NSMCE1: variants seen among roughly 807,000 people sequenced by gnomAD.
NSMCE1 encodes the protein non-structural maintenance of chromosomes element 1 homolog.
A neutral mutation model predicts 29.6 loss-of-function variants in NSMCE1; 18 were observed. The ratio of observed to expected loss-of-function variants is 0.61; its 90% CI spans 0.42 to 0.90. The LOEUF (loss-of-function observed/expected upper bound fraction) is 0.90, where lower values mean the gene tolerates loss of function less well. Ranked by LOEUF, NSMCE1 falls within the 40% of genes least tolerant of loss-of-function variation. The pLI, the probability that NSMCE1 is intolerant of heterozygous loss-of-function variation, is 0.00. For missense variants in NSMCE1, 314 were observed against 343.6 expected (o/e 0.91, Z 0.68); for synonymous variants, 124 against 133.4 (o/e 0.93, Z 0.49).
intron 2 of NSMCE1, 133 bp from the exon 3 acceptor site, chr16:27,235,432 C>CCACCCA: frequency 1.1e-6 from 1 of 922,288 alleles, no homozygotes; most frequent in Non-Finnish European, 1.6e-6. Context: ...GCTGCAGCCT[C>CCACCCA]TTGGGTGAAC....
At chr16:27,258,247 A>C (rs776401767) in intron 1 of NSMCE1, 4 of 152,252 alleles carry the variant, frequency 2.6e-5, no homozygotes, top group Non-Finnish European at 5.9e-5. Context: ...TCTTTCCGTA[A>C]ACCACAAAGA....
intron 4 of NSMCE1, chr16:27,233,856 G>A (rs1305559655): frequency 2.0e-5 from 6 of 306,386 alleles, no homozygotes; most frequent in African/African-American, 2.2e-5. Flanking sequence ...GCTCCCAGGC[G>A]ATGCTGCTGC....
chr16:27,229,439 C>A lies in NSMCE1; in HGVS notation c.484-2603G>T, dbSNP rs368910898. ...TGTGCTCACTCCTGTGTCCGCAGCA[C>A]CTGCTGTGGGGCCCAGCACTTGGCA... On this transcript the variant is annotated intron_variant, in intron 5 of 7. Coordinates refer to ENST00000361439, the MANE Select transcript of NSMCE1 (RefSeq NM_145080.4). Among the ~76,000 whole-genome samples the A allele has an allele frequency of 5.3e-5, 8 of 152,362 alleles. 1 individual carries two copies. The highest frequency in any genetic ancestry group is 1.3e-4 in the Admixed American group (2 of 15,312).
intron 2 of NSMCE1, among the ~76,000 whole-genome samples, chr16:27,236,003 A>G (rs188440112): frequency 6.6e-6 from 1 of 152,350 alleles, no homozygotes; most frequent in African/African-American, 2.4e-5. Context: ...TGACTCGCCC[A>G]GAGTTGCACC....
rs1439080405 is a variant in NSMCE1 at position 27,239,848 on chromosome 16, TG to T, written c.137-4550del. ...CAGTGCTATCTGTGTTCTCTCTACTTGGAAGAGGCAGGGTGTGTCTGGATTT... is the reference window on the plus strand; with the variant it reads ...CAGTGCTATCTGTGTTCTCTCTACTTGAAGAGGCAGGGTGTGTCTGGATTT... On this transcript the variant is annotated intron_variant, in intron 2 of 7. Transcript: ENST00000361439. Among the ~76,000 whole-genome samples, 7 of 152,190 alleles carry T rather than the reference TG, an allele frequency of 4.6e-5. No homozygotes were observed. In the East Asian group the frequency reaches 1.3e-3, roughly 29 times the overall value.
At chr16:27,263,818 G>A (rs1054618491) in intron 1 of NSMCE1, among the ~76,000 whole-genome samples, 7 of 152,070 alleles carry the variant, frequency 4.6e-5, no homozygotes, top group Non-Finnish European at 7.4e-5. Flanking sequence ...ACTAAGTGAC[G>A]TCTACAAAAA....
Position 27,232,328 on chromosome 16 carries a change from G to A in NSMCE1, c.483+673C>T, listed in dbSNP as rs1299301624. ...GAAAAAGAACTGAAACATTTGTTCT[G>A]CTCCATTCAGCAGGACTAGACGTGG... is the stretch of plus-strand genomic sequence containing the variant. On this transcript the variant is annotated intron_variant, in intron 5 of 7. Transcript: ENST00000361439. The surrounding 1 kb of genome is among the most constrained non-coding windows in gnomAD (Gnocchi z 4.5). Among the ~76,000 whole-genome samples, 2 of 152,208 alleles carry A rather than the reference G, an allele frequency of 1.3e-5. No individual in the cohort carries two copies. Among genetic ancestry groups the A allele is most frequent in the African/African-American group, 2.4e-5 (1 of 41,450 alleles).
At chr16:27,231,622 A>G (rs1213274034) in intron 5 of NSMCE1, among the ~76,000 whole-genome samples, 1 of 150,040 alleles carries the variant, frequency 6.7e-6, no homozygotes, top group African/African-American at 2.4e-5. Context: ...GGGCAACAAG[A>G]GCAAAACTCC....
chr16:27,226,973 A>G (rs2083704361), intron 5 of NSMCE1, 137 bp from the exon 6 acceptor site: 2 of 642,170 alleles, frequency 3.1e-6, no homozygotes, highest in Non-Finnish European at 5.6e-6. Context: ...ACCCCAGCCA[A>G]CGGGCATCAG....
At position 27,235,181 on chromosome 16, in the gene NSMCE1, C is replaced by A. The variant is rs540027035; in HGVS notation, c.255G>T (p.Ala85=). 5 of 1,613,666 alleles carry A rather than the reference C, an allele frequency of 3.1e-6. No individual in the cohort carries two copies. In the African/African-American group the frequency reaches 5.3e-5, roughly 17 times the overall value. The part of the protein sequence containing the change: ...VTEDDGRPIY[A]LVNLATTSIS... ...GAGGGCTCTGCCGGGCACTCACCAA[C>A]GCATAAATGGGTCTCCCATCATCTT... The change falls in exon 3 of 8, where the codon GCG becomes GCT. Residue 85 remains alanine, a synonymous_variant. Transcript: ENST00000361439.
chr16:27,226,783 G>C lies in NSMCE1; in HGVS notation c.537C>G (p.Tyr179Ter), dbSNP rs770326205. ...CCGCGTCGGGGTACGTCTCCCGGAT[G>C]TATTGCTCCATCTCCAGGATGGCCC... ...HGRAILEMEQ[Y>*]IRETYPDAVK... The change falls in exon 6 of 8, where the codon TAC becomes TAG. Residue 179 changes from tyrosine to a stop codon, truncating the protein, a stop_gained. Coordinates refer to ENST00000361439, the MANE Select transcript of NSMCE1 (RefSeq NM_145080.4). LOFTEE classifies it high-confidence loss of function. 6.2e-7 allele frequency: 1 copy of C among 1,614,046 alleles called. No individual in the cohort carries two copies. Among genetic ancestry groups the C allele is most frequent in the Non-Finnish European group, 8.5e-7 (1 of 1,179,904 alleles).
intron 5 of NSMCE1, among the ~76,000 whole-genome samples, chr16:27,227,238 C>T (rs971359100): frequency 6.6e-6 from 1 of 152,256 alleles, no homozygotes; most frequent in Non-Finnish European, 1.5e-5. Flanking sequence ...ACCCATCCCA[C>T]TCCCAAAAAG....
At chr16:27,265,723 T>C (rs1349897442) in intron 1 of NSMCE1, among the ~76,000 whole-genome samples, 3 of 152,156 alleles carry the variant, frequency 2.0e-5, no homozygotes, top group East Asian at 1.9e-4. Flanking sequence ...GTAGAGCTCC[T>C]CACATCAACA....
intron 1 of NSMCE1, among the ~76,000 whole-genome samples, chr16:27,264,214 TA>T (rs567469424): frequency 1.3e-5 from 2 of 149,374 alleles, no homozygotes; most frequent in Admixed American, 1.3e-4. Context: ...AAACAAAAAT[TA>T]AAAAAAAAAT....
chr16:27,245,671 G>A (rs1029014855), intron 2 of NSMCE1, among the ~76,000 whole-genome samples: 7 of 152,146 alleles, frequency 4.6e-5, no homozygotes, highest in Admixed American at 2.0e-4. Flanking sequence ...AATAACTGCC[G>A]GCTGTCAATT....
In NSMCE1 at chr16:27,226,772, G is replaced by A. The variant is rs758155389; in HGVS notation, c.548C>T (p.Thr183Met). The change falls in exon 6 of 8, where the codon ACG becomes ATG. Residue 183 changes from threonine to methionine, a missense_variant. Coordinates refer to ENST00000361439, the MANE Select transcript of NSMCE1 (RefSeq NM_145080.4). Reference sequence around the variant, plus strand: ...GCAGATCTTCACCGCGTCGGGGTACGTCTCCCGGATGTATTGCTCCATCTC... The same window carrying A: ...GCAGATCTTCACCGCGTCGGGGTACATCTCCCGGATGTATTGCTCCATCTC... ...ILEMEQYIRE[T>M]YPDAVKICNI... 35 of 1,613,824 alleles carry A rather than the reference G, an allele frequency of 2.2e-5. No individual in the cohort carries two copies. The highest frequency in any genetic ancestry group is 9.9e-5 in the South Asian group (9 of 91,082).
intron 2 of NSMCE1, among the ~76,000 whole-genome samples, chr16:27,252,375 G>A (rs1285923234): frequency 1.3e-5 from 2 of 152,204 alleles, no homozygotes; most frequent in Non-Finnish European, 2.9e-5. Context: ...ACCCAGGAAT[G>A]GCCAGGCACG....
Position 27,225,173 on chromosome 16 carries a change from C to T in NSMCE1, c.785G>A (p.Arg262Gln), listed in dbSNP as rs888675127. The change falls in exon 8 of 8, where the codon CGG becomes CAG. Residue 262 changes from arginine to glutamine, a missense_variant. Transcript: ENST00000361439. ...GVLKSNKKSL[R>Q]SRQH Reference sequence around the variant, plus strand: ...GCACGATGGCTAATGCTGCCTGGACCGCAGGGACTTTTTGTTCGATTTCAA... The same window carrying T: ...GCACGATGGCTAATGCTGCCTGGACTGCAGGGACTTTTTGTTCGATTTCAA... 1.5e-5 allele frequency: 24 copies of T among 1,602,430 alleles called. No homozygotes were observed. Among genetic ancestry groups the T allele is most frequent in the South Asian group, 3.4e-5 (3 of 89,312 alleles).
At chr16:27,258,308 G>C (rs1326221100) in intron 1 of NSMCE1, among the ~76,000 whole-genome samples, 1 of 152,220 alleles carries the variant, frequency 6.6e-6, no homozygotes, top group Non-Finnish European at 1.5e-5. Context: ...GCTGGCTACT[G>C]CCATGGAGCA....
Sources: allele counts gnomAD v4.1 joint callset (sites outside exome capture counted in the v4.1 genomes callset), GRCh38; gene constraint gnomAD v4.1.1; non-coding constraint Gnocchi (gnomAD v3.1); transcripts MANE v1.5; gene names NCBI Gene and HGNC (gene_info 2026-07-23, HGNC 2026-07-21).